The following FBXL17 variants were observed in gnomAD, a reference collection of about 807,000 sequenced individuals.
FBXL17 encodes the protein F-box and leucine rich repeat protein 17, also known as F-box/LRR-repeat protein 17.
A neutral mutation model predicts 66.2 loss-of-function variants in FBXL17; 22 were observed. The observed-to-expected ratio is 0.33, with a 90% CI of 0.24 to 0.47. The LOEUF is 0.47. Ranked by LOEUF, FBXL17 falls within the 20% of genes least tolerant of loss-of-function variation. The pLI is 1.00. For synonymous variants in FBXL17, 474 were observed against 400.5 expected (o/e 1.18, Z -2.19); for missense variants, 878 against 948.2 (o/e 0.93, Z 0.97).
At chr5:107,905,089 C>A (rs1749711248) in intron 7 of FBXL17, among the ~76,000 whole-genome samples, 1 of 151,728 alleles carries the variant, frequency 6.6e-6, no homozygotes, top group Non-Finnish European at 1.5e-5. Flanking sequence ...TGTGGATCTT[C>A]ATAAAACTTA....
At chr5:108,358,776 T>A (rs1455371913) in intron 3 of FBXL17, among the ~76,000 whole-genome samples, 1 of 152,170 alleles carries the variant, frequency 6.6e-6, no homozygotes, top group Non-Finnish European at 1.5e-5. Flanking sequence ...CTTCTTTAAA[T>A]ATTTGAAAAC....
intron 7 of FBXL17, among the ~76,000 whole-genome samples, chr5:107,928,508 T>C (rs1365018368): frequency 2.6e-5 from 4 of 152,024 alleles, no homozygotes; most frequent in African/African-American, 9.7e-5. Context: ...TATTTTGAAA[T>C]AATATTACAT....
At chr5:108,262,892 T>C (rs2150127948) in intron 4 of FBXL17, among the ~76,000 whole-genome samples, 1 of 152,324 alleles carries the variant, frequency 6.6e-6, no homozygotes, top group African/African-American at 2.4e-5. Context: ...ATTTATAATT[T>C]TTAAAAGTGT....
chr5:108,129,881 C>CT (rs1750863980), intron 6 of FBXL17, among the ~76,000 whole-genome samples: 1 of 151,676 alleles, frequency 6.6e-6, no homozygotes, highest in African/African-American at 2.4e-5. Context: ...TGCTGCAGTT[C>CT]TTTTTTTAAT....
At chr5:108,183,034 A>ATTTTT (rs34101023) in intron 6 of FBXL17, among the ~76,000 whole-genome samples, 3 of 91,520 alleles carry the variant, frequency 3.3e-5, no homozygotes, top group African/African-American at 1.2e-4. Flanking sequence ...ACAGTTTTCT[A>ATTTTT]TTTTTTTTTT....
intron 6 of FBXL17, among the ~76,000 whole-genome samples, chr5:108,071,470 G>A (rs922272764): frequency 2.0e-5 from 3 of 152,176 alleles, no homozygotes; most frequent in Admixed American, 1.3e-4. Context: ...TCACTGAAGT[G>A]CATGGATTCC....
chr5:108,356,871 G>A (rs1005855965), intron 3 of FBXL17, among the ~76,000 whole-genome samples: 2 of 152,016 alleles, frequency 1.3e-5, no homozygotes, highest in Non-Finnish European at 2.9e-5. Flanking sequence ...TAATAAATGT[G>A]TCACTCTGGT....
intron 7 of FBXL17, among the ~76,000 whole-genome samples, chr5:107,925,100 A>G (rs950932619): frequency 1.3e-5 from 2 of 152,196 alleles, no homozygotes; most frequent in African/African-American, 2.4e-5. Flanking sequence ...GATGTGATGT[A>G]ATTAAGTTCT....
At chr5:108,367,602 T>C (rs1394970392) in intron 2 of FBXL17, among the ~76,000 whole-genome samples, 3 of 152,042 alleles carry the variant, frequency 2.0e-5, no homozygotes, top group Admixed American at 6.6e-5. Context: ...CAAAAAGACC[T>C]AAAAAGCAAC....
chr5:108,155,422 G>A (rs976008209), intron 6 of FBXL17, among the ~76,000 whole-genome samples: 2 of 152,162 alleles, frequency 1.3e-5, no homozygotes, highest in Non-Finnish European at 2.9e-5. Flanking sequence ...GGCTGAGGCA[G>A]GAGAATCACT....
At chr5:108,245,825 G>A (rs1247613072) in intron 4 of FBXL17, among the ~76,000 whole-genome samples, 1 of 152,122 alleles carries the variant, frequency 6.6e-6, no homozygotes, top group East Asian at 1.9e-4. Flanking sequence ...ACAACATCAA[G>A]ACATATACTC....
At chr5:108,093,210 C>G (rs1329159003) in intron 6 of FBXL17, among the ~76,000 whole-genome samples, 1 of 151,518 alleles carries the variant, frequency 6.6e-6, no homozygotes, top group Non-Finnish European at 1.5e-5. Context: ...TTAAAAAATG[C>G]CATTTTCTGT....
intron 7 of FBXL17, among the ~76,000 whole-genome samples, chr5:107,922,432 A>G (rs915215795): frequency 2.6e-5 from 4 of 152,168 alleles, no homozygotes; most frequent in Admixed American, 6.5e-5. Flanking sequence ...GCTCAATCCC[A>G]GTGGGTAATG....
In FBXL17 at chr5:108,224,110, A is replaced by G; in HGVS notation, c.1614+11T>C. On this transcript the variant is annotated intron_variant, in intron 5 of 8. Coordinates refer to ENST00000542267, the MANE Select transcript of FBXL17 (RefSeq NM_001163315.3). ...TCAAAAATACCAAGGAAAAGCAGCCATAGTACCTACCTTGGTTAGGTGAAT... is the reference window on the plus strand; with the variant it reads ...TCAAAAATACCAAGGAAAAGCAGCCGTAGTACCTACCTTGGTTAGGTGAAT... 3 of 1,459,178 alleles carry G rather than the reference A, an allele frequency of 2.1e-6. No individual in the cohort carries two copies. The highest frequency in any genetic ancestry group is 1.2e-5 in the South Asian group (1 of 85,024). 90.4% of individuals were successfully genotyped at this position (1,459,178 alleles called of 1,614,324 possible).
At chr5:108,020,332 C>T (rs183666853) in intron 7 of FBXL17, among the ~76,000 whole-genome samples, 199 of 151,810 alleles carry the variant, frequency 1.3e-3, no homozygotes, top group African/African-American at 4.3e-3. Flanking sequence ...TTTATTACTG[C>T]GACAATATGA....
At chr5:108,180,240 G>A (rs568943361) in intron 6 of FBXL17, among the ~76,000 whole-genome samples, 1 of 152,312 alleles carries the variant, frequency 6.6e-6, no homozygotes, top group African/African-American at 2.4e-5. Context: ...GTTGGGGGCA[G>A]TGGTTCACAC....
chr5:108,365,279 C>T (rs1018412219), intron 2 of FBXL17, among the ~76,000 whole-genome samples: 1 of 152,018 alleles, frequency 6.6e-6, no homozygotes, highest in Non-Finnish European at 1.5e-5. Flanking sequence ...GCCCTTTAGA[C>T]CATATCTGAG....
chr5:108,260,323 A>G (rs1037804034), intron 4 of FBXL17, among the ~76,000 whole-genome samples: 7 of 152,106 alleles, frequency 4.6e-5, no homozygotes, highest in East Asian at 1.9e-4. Flanking sequence ...GGTGGTTCCT[A>G]TAGTTCTCTG....
intron 7 of FBXL17, among the ~76,000 whole-genome samples, chr5:108,000,779 T>C (rs749481795): frequency 6.6e-5 from 10 of 152,232 alleles, no homozygotes; most frequent in Non-Finnish European, 1.2e-4. Context: ...TAAAAGCATT[T>C]AAATCAACCT....
Sources: allele counts gnomAD v4.1 joint callset (sites outside exome capture counted in the v4.1 genomes callset), GRCh38; gene constraint gnomAD v4.1.1; transcripts MANE v1.5; gene names NCBI Gene and HGNC (gene_info 2026-07-23, HGNC 2026-07-21).